The following SPTA1 variants were observed in gnomAD, a reference collection of about 807,000 sequenced individuals.
SPTA1 encodes the protein spectrin alpha chain, erythrocytic 1.
SPTA1 carries 177 observed loss-of-function variants against 324.7 expected under a neutral mutation model. The observed-to-expected ratio is 0.55, with a 90% CI of 0.48 to 0.62. The LOEUF (loss-of-function observed/expected upper bound fraction) is 0.62, where lower values mean the gene tolerates loss of function less well. Ranked by LOEUF, SPTA1 falls within the 20% of genes least tolerant of loss-of-function variation. The pLI is 0.00. For synonymous variants in SPTA1, 1,195 were observed against 1,041.3 expected, an observed-to-expected ratio of 1.15 and a Z score of -2.84; for missense variants, 3,162 against 2,883.6, an observed-to-expected ratio of 1.10 and a Z score of -2.21.
At chr1:158,615,539 G>T in intron 47 of SPTA1, 136 bp from the exon 48 acceptor site, 1 of 816,798 alleles carries the variant, frequency 1.2e-6, no homozygotes, top group Non-Finnish European at 2.0e-6. Flanking sequence ...GAACTACTTG[G>T]GAAAACCACT....
chr1:158,617,456 C>A, intron 47 of SPTA1, 81 bp downstream of exon 47: 3 of 1,188,278 alleles, frequency 2.5e-6, no homozygotes, highest in Non-Finnish European at 3.7e-6. Context: ...AAAAGTATCA[C>A]CTGGGCTTCC....
chr1:158,629,159 T>C (rs1313742206), intron 39 of SPTA1, among the ~76,000 whole-genome samples: 1 of 149,854 alleles, frequency 6.7e-6, no homozygotes, highest in Non-Finnish European at 1.5e-5. Flanking sequence ...GATAGATAGA[T>C]ATGTCTATCA....
intron 27 of SPTA1, 100 bp from the exon 28 acceptor site, chr1:158,645,694 A>G (rs55877578): frequency 1.0e-4 from 131 of 1,298,434 alleles, no homozygotes; most frequent in Non-Finnish European, 1.4e-4. Flanking sequence ...CATTTCCAGA[A>G]TAACATTTTT....
At chr1:158,647,975 G>A (rs990482322) in intron 26 of SPTA1, among the ~76,000 whole-genome samples, 12 of 152,134 alleles carry the variant, frequency 7.9e-5, no homozygotes, top group African/African-American at 2.9e-4. Flanking sequence ...CTGCTGGTTA[G>A]TGGCAACCTC....
chr1:158,651,317 T>C (rs1652413395), intron 24 of SPTA1, 50 bp downstream of exon 24: 1 of 1,247,068 alleles, frequency 8.0e-7, no homozygotes, highest in Non-Finnish European at 1.2e-6. Context: ...AAATGAGGAC[T>C]CCCAAAGCCC....
Position 158,683,387 on chromosome 1 carries a change from G to A in SPTA1, c.374C>T (p.Ala125Val), listed in dbSNP as rs1213706807. The change falls in exon 3 of 52, where the codon GCC (alanine) becomes GTC (valine). Residue 125 changes from alanine to valine, a missense_variant. Ala to Val is a moderately conservative substitution (Grantham distance 64, BLOSUM62 0). Coordinates refer to ENST00000643759, the MANE Select transcript of SPTA1 (RefSeq NM_003126.4). ...TACATATACCTTCGTTTCTTCGTGG[G>A]CAGAATGACCCATGGTAAATCGTTC... Reference protein sequence around the residue: ...REERFTMGHSAHEETKAHIEE... With the variant: ...REERFTMGHSVHEETKAHIEE... 2.5e-6 allele frequency: 4 copies of A among 1,613,284 alleles called. No individual in the cohort carries two copies. The highest frequency in any genetic ancestry group is 3.4e-6 in the Non-Finnish European group (4 of 1,179,464).
chr1:158,656,054 G>T (rs1187116037), intron 20 of SPTA1, among the ~76,000 whole-genome samples: 1 of 152,094 alleles, frequency 6.6e-6, no homozygotes, highest in African/African-American at 2.4e-5. Context: ...TATTTCAAGA[G>T]AACACAAGAG....
chr1:158,627,953 TC>T (rs1281039394), intron 39 of SPTA1, among the ~76,000 whole-genome samples: 1 of 149,606 alleles, frequency 6.7e-6, no homozygotes, highest in African/African-American at 2.6e-5. Context: ...CAAGTGACAT[TC>T]TTTCTAATTT....
chr1:158,662,627 C>T, intron 17 of SPTA1, 75 bp downstream of exon 17: 1 of 1,604,210 alleles, frequency 6.2e-7, no homozygotes, highest in Admixed American at 1.7e-5. Context: ...ACTCCAACTA[C>T]TGTACCCCAG....
At chr1:158,676,412 A>G (rs903853053) in intron 7 of SPTA1, 117 bp from the exon 8 acceptor site, 8 of 1,107,232 alleles carry the variant, frequency 7.2e-6, no homozygotes, top group African/African-American at 6.4e-5. Context: ...AAATCGACAT[A>G]TGAATAGATT....
At chr1:158,656,807 A>G in intron 19 of SPTA1, 151 bp from the exon 20 acceptor site, 1 of 669,234 alleles carries the variant, frequency 1.5e-6, no homozygotes, top group Non-Finnish European at 2.6e-6. Flanking sequence ...TAAATTTGCA[A>G]GCATGAAGGA....
chr1:158,662,629 G>A (rs1397654379), intron 17 of SPTA1, 73 bp downstream of exon 17: 5 of 1,605,234 alleles, frequency 3.1e-6, no homozygotes, highest in Non-Finnish European at 4.3e-6. Flanking sequence ...TCCAACTACT[G>A]TACCCCAGAT....
In SPTA1 at chr1:158,648,768, C is replaced by T. The variant is rs371904821; in HGVS notation, c.3570-115G>A. ...ACTCACCATCCTCCCACCCACCCCC[C>T]CACCCCAACCAATTATCATCATTGT... On this transcript the variant is annotated intron_variant, in intron 25 of 51. Transcript: ENST00000643759. 6.5e-4 allele frequency: 696 copies of T among 1,063,666 alleles called. 7 individuals carry two copies. In the East Asian group the frequency reaches 0.016, roughly 25 times the overall value. 65.9% of individuals were successfully genotyped at this position (1,063,666 alleles called of 1,614,324 possible). A position where few individuals can be genotyped will look rare whatever the true frequency, so the allele number is the denominator to read the frequency against.
chr1:158,655,417 T>C (rs1237495633), intron 20 of SPTA1, among the ~76,000 whole-genome samples: 1 of 152,156 alleles, frequency 6.6e-6, no homozygotes, highest in Non-Finnish European at 1.5e-5. Context: ...ATAACCCCTC[T>C]TCCTAAGGAA....
At chr1:158,635,652 C>G (rs1207966656) in intron 38 of SPTA1, among the ~76,000 whole-genome samples, 1 of 152,090 alleles carries the variant, frequency 6.6e-6, no homozygotes, top group Non-Finnish European at 1.5e-5. Flanking sequence ...AAGGATAACA[C>G]ATGTAGGAAA....
At chr1:158,670,979 C>T (rs1043367491) in intron 12 of SPTA1, among the ~76,000 whole-genome samples, 1 of 151,598 alleles carries the variant, frequency 6.6e-6, no homozygotes. Flanking sequence ...AAACCATACA[C>T]TTCATCAGAA....
At chr1:158,652,412 C>A (rs1652509925) in intron 23 of SPTA1, 55 bp downstream of exon 23, 2 of 1,575,576 alleles carry the variant, frequency 1.3e-6, no homozygotes, top group African/African-American at 1.3e-5. Context: ...GTAGAATATG[C>A]TGAGGGATAA....
Position 158,647,556 on chromosome 1 carries a change from C to G in SPTA1, c.3879G>C (p.Leu1293=). The G allele has an allele frequency of 6.2e-7, 1 of 1,613,484 alleles. No homozygotes were observed. The highest frequency in any genetic ancestry group is 1.1e-5 in the South Asian group (1 of 91,044). Residue 1293 remains leucine, a synonymous_variant, in exon 27 of 52, where the codon CTG becomes CTC. Transcript: ENST00000643759. ...CACTCTACCTGGCCTTGCTGAGGAA[C>G]AGGTAGAATTTCTGGGCCTCATTTA... The part of the protein sequence containing the change: ...ESLNEAQKFY[L]FLSKARDLQN...
rs34886778 is a variant in SPTA1 at position 158,653,354 on chromosome 1, G to A, written c.3108C>T (p.His1036=). 2,078 of 1,614,058 alleles carry A rather than the reference G, an allele frequency of 1.3e-3. 2 individuals are homozygous for A. The highest frequency in any genetic ancestry group is 1.5e-3 in the South Asian group (138 of 91,074). Residue 1036 remains histidine, a synonymous_variant, in exon 22 of 52, where the codon CAC becomes CAT. Transcript: ENST00000643759. ...VPAVYVRRLA[H]DEFPMLPQRR... ...GCTGTGGGAGCATCGGGAACTCATC[G>A]TGGGCCAGTCTTCTGACATAGACAG...
Sources: allele counts gnomAD v4.1 joint callset (sites outside exome capture counted in the v4.1 genomes callset), GRCh38; gene constraint gnomAD v4.1.1; transcripts MANE v1.5; gene names NCBI Gene and HGNC (gene_info 2026-07-23, HGNC 2026-07-21).